PCDHA3: variants seen among roughly 807,000 people sequenced by gnomAD.
PCDHA3 encodes protocadherin alpha-3.
In PCDHA3, 41 loss-of-function variants were observed where a neutral mutation model predicts 62.2. The ratio of observed to expected loss-of-function variants is 0.66; its 90% CI spans 0.51 to 0.86. PCDHA3 has a LOEUF of 0.86. Among genes scored for constraint, PCDHA3 ranks in the 40% least tolerant of loss-of-function variants. PCDHA3 has a pLI of 0.00. For synonymous variants in PCDHA3, 640 were observed against 555.4 expected (o/e 1.15, Z -2.14); for missense variants, 1,304 against 1,241.2 (o/e 1.05, Z -0.76).
rs782140638 is a variant in PCDHA3 at position 140,803,010 on chromosome 5, G to T, written c.1813G>T (p.Ala605Ser). Residue 605 changes from alanine to serine, a missense_variant, in exon 1 of 4, where the codon GCG (alanine) becomes TCG (serine). Ala to Ser is a moderately conservative substitution (Grantham distance 99, BLOSUM62 1). Transcript: ENST00000522353. ...RAVDADSGYNAWLSYELQPGT... is the reference protein window; with the variant it reads ...RAVDADSGYNSWLSYELQPGT... ...AGTGGATGCAGACTCAGGCTACAAC[G>T]CGTGGCTTTCGTATGAGCTGCAGCC... 7 of 1,613,910 alleles carry T rather than the reference G, an allele frequency of 4.3e-6. No homozygotes were observed. The African/African-American group carries it at 8.0e-5, about 18-fold the overall frequency.
intron 3 of PCDHA3, among the ~76,000 whole-genome samples, chr5:140,993,767 G>T (rs115607244): frequency 1.3e-5 from 2 of 152,010 alleles, no homozygotes; most frequent in African/African-American, 4.8e-5. Flanking sequence ...TTACAATTGC[G>T]CAGTATTTTG....
chr5:140,808,382 T>C (rs782708840), intron 1 of PCDHA3: 2 of 1,614,186 alleles, frequency 1.2e-6, no homozygotes, highest in Non-Finnish European at 1.7e-6. Context: ...CAAGCTGGTG[T>C]CCACCTTCAA....
At chr5:140,822,293 C>G (rs2150115292) in intron 1 of PCDHA3, 1 of 1,614,164 alleles carries the variant, frequency 6.2e-7, no homozygotes, top group Non-Finnish European at 8.5e-7. Flanking sequence ...AGGTTAAATC[C>G]AAACGAATAT....
chr5:140,864,629 A>G (rs2048549336), intron 1 of PCDHA3: 1 of 152,244 alleles, frequency 6.6e-6, no homozygotes, highest in Non-Finnish European at 1.5e-5. Context: ...TAAAAAGAAA[A>G]CAAAACAAAA....
chr5:140,859,086 G>A (rs1474947917), intron 1 of PCDHA3: 3 of 150,424 alleles, frequency 2.0e-5, no homozygotes, highest in Non-Finnish European at 3.0e-5. Flanking sequence ...CTGTGTCAGT[G>A]TGTATTATTC....
At chr5:140,863,975 T>G (rs1429361559) in intron 1 of PCDHA3, 2 of 153,508 alleles carry the variant, frequency 1.3e-5, no homozygotes, top group Non-Finnish European at 2.9e-5. Context: ...CACTACAGCC[T>G]GGGAGACAGG....
intron 1 of PCDHA3, among the ~76,000 whole-genome samples, chr5:140,941,207 CT>C (rs880001940): frequency 0.13 from 13,079 of 103,138 alleles, 665 homozygotes; most frequent in African/African-American, 0.21. Context: ...TTCTTCCTTT[CT>C]TTCTTCCTTT....
At chr5:140,807,244 TCTC>T (rs782209720) in intron 1 of PCDHA3, 95 of 1,614,072 alleles carry the variant, frequency 5.9e-5, no homozygotes, top group South Asian at 1.5e-4. Context: ...TCTTACTTCT[TCTC>T]CTCGCAGCCT....
intron 1 of PCDHA3, among the ~76,000 whole-genome samples, chr5:140,908,608 G>T (rs1350424326): frequency 6.6e-6 from 1 of 152,182 alleles, no homozygotes; most frequent in African/African-American, 2.4e-5. Flanking sequence ...GAAGGGCCTT[G>T]CTCCAAAATC....
In PCDHA3 at chr5:140,823,709, G is replaced by C. The variant is rs2150128449; in HGVS notation, c.2394+20118G>C. On this transcript the variant is annotated intron_variant, in intron 1 of 3. Transcript: ENST00000522353. ...GATGAGACCGAAGCACCGCGCCACCGCCTTCTGGTGCTGGTGAAGGACCAT... is the reference window on the plus strand; with the variant it reads ...GATGAGACCGAAGCACCGCGCCACCCCCTTCTGGTGCTGGTGAAGGACCAT... 4 of 1,613,832 alleles carry C rather than the reference G, an allele frequency of 2.5e-6. No homozygotes were observed. The African/African-American group carries it at 5.3e-5, about 22-fold the overall frequency.
intron 1 of PCDHA3, chr5:140,809,635 A>T: frequency 6.6e-7 from 1 of 1,504,040 alleles, no homozygotes; most frequent in Non-Finnish European, 8.9e-7. Flanking sequence ...CTTCTTCGTA[A>T]ATTTATTTCT....
chr5:140,855,933 T>C, intron 1 of PCDHA3: 1 of 1,295,336 alleles, frequency 7.7e-7, no homozygotes, highest in Non-Finnish European at 1.1e-6. Flanking sequence ...AGCGTCATTC[T>C]GAGATCTCAG....
intron 1 of PCDHA3, chr5:140,821,947 C>T: frequency 6.2e-7 from 1 of 1,614,184 alleles, no homozygotes; most frequent in Non-Finnish European, 8.5e-7. Context: ...GCTGGCGGAG[C>T]TGGTGCCGCG....
chr5:140,929,101 A>G (rs1554206680), intron 1 of PCDHA3: 3 of 1,614,242 alleles, frequency 1.9e-6, no homozygotes, highest in Admixed American at 1.7e-5. Flanking sequence ...AAATCCTTGC[A>G]TGACATCAGC....
intron 1 of PCDHA3, chr5:140,823,102 G>A: frequency 1.2e-6 from 2 of 1,614,066 alleles, no homozygotes; most frequent in Non-Finnish European, 1.7e-6. Flanking sequence ...CGTGTCTGTG[G>A]AAGTGGCCGA....
intron 1 of PCDHA3, among the ~76,000 whole-genome samples, chr5:140,941,192 TTTCTTTCTTCC>T (rs1330855559): frequency 1.0e-5 from 1 of 99,660 alleles, no homozygotes; most frequent in Non-Finnish European, 2.1e-5. Flanking sequence ...CTTCTTTTTT[TTTCTTTCTTCC>T]TTTCTTTCTT....
intron 1 of PCDHA3, chr5:140,824,221 T>G: frequency 6.4e-7 from 1 of 1,560,374 alleles, no homozygotes; most frequent in South Asian, 1.1e-5. Flanking sequence ...AAAAATTATG[T>G]CTTAGTACAC....
intron 3 of PCDHA3, among the ~76,000 whole-genome samples, chr5:141,005,923 G>A (rs1424300772): frequency 6.6e-6 from 1 of 151,914 alleles, no homozygotes; most frequent in East Asian, 1.9e-4. Context: ...CTTCAGCCTG[G>A]TTGACAGAGT....
Position 140,801,645 on chromosome 5 carries a change from T to C in PCDHA3, c.448T>C (p.Ser150Pro). ...TATTTCCGAATCCCGACAGCCTGGCTCTCGGTTTTCGCTAGAGGGCGCATC... is the reference window on the plus strand; with the variant it reads ...TATTTCCGAATCCCGACAGCCTGGCCCTCGGTTTTCGCTAGAGGGCGCATC... ...LFISESRQPG[S>P]RFSLEGASDA... Residue 150 changes from serine (S) to proline (P), a missense_variant, in exon 1 of 4, where the codon TCT becomes CCT. Coordinates refer to ENST00000522353, the MANE Select transcript of PCDHA3 (RefSeq NM_018906.3). 6.2e-7 allele frequency: 1 copy of C among 1,614,188 alleles called. No homozygotes were observed. The highest frequency in any genetic ancestry group is 1.3e-5 in the African/African-American group (1 of 75,034).
Sources: allele counts gnomAD v4.1 joint callset (sites outside exome capture counted in the v4.1 genomes callset), GRCh38; gene constraint gnomAD v4.1.1; transcripts MANE v1.5; gene names NCBI Gene and HGNC (gene_info 2026-07-23, HGNC 2026-07-21).